The following CHODL variants were observed in gnomAD, a reference collection of about 807,000 sequenced individuals.
CHODL encodes transmembrane protein MT75.
CHODL carries 29 observed loss-of-function variants against 34.5 expected under a neutral mutation model. The observed-to-expected ratio is 0.84, with a 90% CI of 0.63 to 1.15. The LOEUF is 1.15. CHODL is among the 50% of genes most tolerant of loss of function. The pLI is 0.00. For missense variants in CHODL, 332 were observed against 332.5 expected (o/e 1.00, Z 0.01); for synonymous variants, 125 against 116.1 (o/e 1.08, Z -0.49).
intron 2 of CHODL, among the ~76,000 whole-genome samples, chr21:18,196,740 CAT>C (rs2073592542): frequency 6.6e-6 from 1 of 152,048 alleles, no homozygotes; most frequent in African/African-American, 2.4e-5. Context: ...TATTATTACA[CAT>C]ATTTTCTTCC....
intron 1 of CHODL, among the ~76,000 whole-genome samples, chr21:17,963,221 C>T (rs953796043): frequency 1.3e-5 from 2 of 152,074 alleles, no homozygotes; most frequent in African/African-American, 4.8e-5. Context: ...CATGGGTGTT[C>T]ACTTTGTAGA....
intron 1 of CHODL, among the ~76,000 whole-genome samples, chr21:17,977,650 G>A (rs1376073756): frequency 6.8e-6 from 1 of 147,456 alleles, no homozygotes; most frequent in Non-Finnish European, 1.5e-5. Context: ...GTGAATCACC[G>A]TGCCAGGCCA....
At chr21:17,975,667 C>T (rs1184198629) in intron 1 of CHODL, among the ~76,000 whole-genome samples, 2 of 152,044 alleles carry the variant, frequency 1.3e-5, no homozygotes, top group African/African-American at 4.8e-5. Flanking sequence ...AGAAGTATTC[C>T]TTCTGTACTA....
At chr21:17,993,532 G>T (rs150191784) in intron 1 of CHODL, among the ~76,000 whole-genome samples, 5 of 152,282 alleles carry the variant, frequency 3.3e-5, no homozygotes, top group Admixed American at 1.3e-4. Context: ...TCATGTTCCT[G>T]CAAAGGACAT....
intron 2 of CHODL, among the ~76,000 whole-genome samples, chr21:18,210,603 T>C (rs1033496880): frequency 1.3e-5 from 2 of 152,172 alleles, no homozygotes; most frequent in Non-Finnish European, 2.9e-5. Context: ...ACTCCTCTTT[T>C]CGCATCTCCA....
chr21:18,026,657 A>T (rs890507204), intron 1 of CHODL, among the ~76,000 whole-genome samples: 4 of 152,114 alleles, frequency 2.6e-5, no homozygotes, highest in Non-Finnish European at 5.9e-5. Context: ...CAGAAAATGC[A>T]CTCCTTTGCT....
rs1436319679 is a variant in CHODL at position 18,128,339 on chromosome 21, AAAG to A, written c.-45+100386_-45+100388del. 4.0e-3 allele frequency among the ~76,000 whole-genome samples: 498 copies of A among 122,972 alleles called. 1 individual carries two copies. Among genetic ancestry groups the A allele is most frequent in the African/African-American group, 0.01 (347 of 33,788 alleles). 80.7% of individuals were successfully genotyped at this position (122,972 alleles called of 152,430 possible). On this transcript the variant is annotated intron_variant, in intron 2 of 6. Coordinates refer to the CHODL transcript ENST00000400127. The stretch of plus-strand genomic sequence containing the variant: ...AAAAAAAAAAAAAAAAAAAAAAAAA[AAAG>A]AAGAAGAAGAAGAAGAACCTAAACA...
At chr21:17,930,158 T>C (rs1054684723) in intron 1 of CHODL, among the ~76,000 whole-genome samples, 2 of 152,144 alleles carry the variant, frequency 1.3e-5, no homozygotes, top group African/African-American at 4.8e-5. Context: ...CAGTGGTGGA[T>C]ACCACCACTG....
intron 2 of CHODL, among the ~76,000 whole-genome samples, chr21:18,174,131 A>ATATATATATATATATCTTGG (rs1568923094): frequency 7.5e-5 from 1 of 13,334 alleles, no homozygotes; most frequent in African/African-American, 1.2e-4. Flanking sequence ...GTGTATATAT[A>ATATATATATATATATCTTGG]TATATATATA....
chr21:18,204,051 A>G (rs2073685241), intron 2 of CHODL, among the ~76,000 whole-genome samples: 1 of 152,138 alleles, frequency 6.6e-6, no homozygotes, highest in African/African-American at 2.4e-5. Context: ...ATTTTTACTC[A>G]AAAGCTGTTA....
intron 2 of CHODL, among the ~76,000 whole-genome samples, chr21:18,156,787 G>A (rs2073039906): frequency 1.3e-5 from 2 of 152,264 alleles, no homozygotes; most frequent in South Asian, 2.1e-4. Context: ...TTTCTGAAAC[G>A]GACAGTGGGC....
intron 1 of CHODL, among the ~76,000 whole-genome samples, chr21:17,934,061 A>G (rs2063299336): frequency 6.6e-6 from 1 of 151,884 alleles, no homozygotes. Context: ...AAAAAAAGAA[A>G]TAGTAGTCAC....
intron 2 of CHODL, among the ~76,000 whole-genome samples, chr21:18,161,965 A>G (rs2073100930): frequency 6.6e-6 from 1 of 152,206 alleles, no homozygotes; most frequent in African/African-American, 2.4e-5. Flanking sequence ...TTGAGCTTTC[A>G]CAAAATGACA....
At chr21:18,200,533 G>C (rs1035223128) in intron 2 of CHODL, among the ~76,000 whole-genome samples, 2 of 152,066 alleles carry the variant, frequency 1.3e-5, no homozygotes, top group Non-Finnish European at 2.9e-5. Context: ...AAGATAACTG[G>C]TTTTCCTCTT....
chr21:17,983,546 CATT>C (rs1370261976), intron 1 of CHODL, among the ~76,000 whole-genome samples: 23 of 152,122 alleles, frequency 1.5e-4, no homozygotes, highest in Admixed American at 2.6e-4. Flanking sequence ...TAAGTCTTGT[CATT>C]AGTTTTTCAT....
chr21:18,056,073 T>G (rs1334177126), intron 2 of CHODL, among the ~76,000 whole-genome samples: 3 of 152,064 alleles, frequency 2.0e-5, no homozygotes, highest in African/African-American at 7.2e-5. Flanking sequence ...TAGATTTTTT[T>G]GGTTGTTTCT....
chr21:18,111,016 C>G, intron 2 of CHODL, among the ~76,000 whole-genome samples: 1 of 152,096 alleles, frequency 6.6e-6, no homozygotes, highest in East Asian at 1.9e-4. Context: ...TATGTAGATT[C>G]AAACTGGGAC....
intron 1 of CHODL, among the ~76,000 whole-genome samples, chr21:17,933,333 A>G (rs911978361): frequency 6.6e-6 from 1 of 152,178 alleles, no homozygotes; most frequent in Admixed American, 6.5e-5. Context: ...TCAGACTATC[A>G]TATGGGGAGA....
intron 2 of CHODL, among the ~76,000 whole-genome samples, chr21:18,194,856 G>A (rs1266271631): frequency 1.3e-5 from 2 of 151,494 alleles, no homozygotes; most frequent in South Asian, 2.1e-4. Flanking sequence ...GCACTTATTT[G>A]TTGTGTACAG....
Sources: gnomAD v4.1 joint callset for allele counts (sites outside exome capture counted in the v4.1 genomes callset) on GRCh38, gnomAD v4.1.1 for gene constraint, MANE v1.5 for transcripts, NCBI Gene and HGNC (gene_info 2026-07-23, HGNC 2026-07-21) for gene names.